The following RALYL variants were observed in gnomAD, a reference collection of about 807,000 sequenced individuals.
The protein encoded by RALYL is RALY RNA binding protein like.
RALYL carries 29 observed loss-of-function variants against 35.1 expected under a neutral mutation model. The observed-to-expected ratio is 0.83, with a 90% CI of 0.61 to 1.13. The LOEUF is 1.13. Among genes scored for constraint, RALYL ranks in the 50% most tolerant of loss-of-function variants. The pLI is 0.00. For missense variants in RALYL, 359 were observed against 360.4 expected (o/e 1.00, Z 0.03); for synonymous variants, 120 against 127.6 (o/e 0.94, Z 0.40).
chr8:84,436,133 T>A (rs548288181), intron 1 of RALYL, among the ~76,000 whole-genome samples: 1 of 152,232 alleles, frequency 6.6e-6, no homozygotes, highest in South Asian at 2.1e-4. Context: ...TTCCAGTAAG[T>A]CTGAAGTAGT....
intron 2 of RALYL, among the ~76,000 whole-genome samples, chr8:84,732,758 G>A (rs757055263): frequency 1.1e-4 from 17 of 150,260 alleles, no homozygotes; most frequent in African/African-American, 2.7e-4. Context: ...GTGCAGTGGC[G>A]CTATCTTGGC....
At chr8:84,586,991 C>T (rs925125183) in intron 2 of RALYL, among the ~76,000 whole-genome samples, 9 of 152,128 alleles carry the variant, frequency 5.9e-5, no homozygotes, top group East Asian at 3.9e-4. Context: ...TGCTACTGAA[C>T]GTATCATTAA....
intron 1 of RALYL, among the ~76,000 whole-genome samples, chr8:84,428,824 A>T (rs2046832222): frequency 6.6e-6 from 1 of 152,196 alleles, no homozygotes; most frequent in Non-Finnish European, 1.5e-5. Flanking sequence ...TTATCTGACC[A>T]ACTTGGCATT....
chr8:84,413,391 T>G (rs1385607548), intron 1 of RALYL, among the ~76,000 whole-genome samples: 1 of 151,854 alleles, frequency 6.6e-6, no homozygotes, highest in Non-Finnish European at 1.5e-5. Context: ...AGTCCAGCTA[T>G]ACATTGTATG....
chr8:84,667,645 T>G (rs1832350337), intron 2 of RALYL, among the ~76,000 whole-genome samples: 1 of 152,146 alleles, frequency 6.6e-6, no homozygotes, highest in Non-Finnish European at 1.5e-5. Context: ...CCATTACATT[T>G]TTTTTCCCTG....
intron 2 of RALYL, among the ~76,000 whole-genome samples, chr8:84,734,296 C>T (rs551617676): frequency 1.3e-5 from 2 of 152,176 alleles, no homozygotes; most frequent in South Asian, 2.1e-4. Context: ...AATATCTTTA[C>T]TCATCTTTTT....
chr8:84,254,947 G>A (rs940905819), intron 1 of RALYL, among the ~76,000 whole-genome samples: 18 of 151,910 alleles, frequency 1.2e-4, no homozygotes, highest in African/African-American at 4.1e-4. Flanking sequence ...ATGACAACAC[G>A]AACAGCATGG....
In RALYL at chr8:84,311,053, CAAAAAAAAAAAAAAAAAAAAA is replaced by C. The variant is rs34029529; in HGVS notation, c.-24+126647_-24+126667del. The stretch of plus-strand genomic sequence containing the variant: ...TGGGCGACAGAGCGAGACTCCGTCT[CAAAAAAAAAAAAAAAAAAAAA>C]AAAAAAAAAAAAAAAAATGTATATT... On this transcript the variant is annotated intron_variant, in intron 1 of 8. Transcript: ENST00000521268. 1.6e-3 allele frequency among the ~76,000 whole-genome samples: 15 copies of C among 9,530 alleles called. No homozygotes were observed. In the South Asian group the frequency reaches 0.032, roughly 20 times the overall value. 6.3% of individuals were successfully genotyped at this position (9,530 alleles called of 152,430 possible). A position where few individuals can be genotyped will look rare whatever the true frequency, so the allele number is the denominator to read the frequency against.
intron 1 of RALYL, among the ~76,000 whole-genome samples, chr8:84,316,952 A>G (rs184838192): frequency 6.6e-6 from 1 of 152,286 alleles, no homozygotes; most frequent in East Asian, 1.9e-4. Context: ...GCACACATTA[A>G]TTAAAATTTA....
intron 1 of RALYL, among the ~76,000 whole-genome samples, chr8:84,260,041 T>G (rs1831963697): frequency 6.6e-6 from 1 of 152,154 alleles, no homozygotes; most frequent in African/African-American, 2.4e-5. Context: ...TTATGGTCTA[T>G]CTGGGTCTGG....
At chr8:84,557,560 CATTT>C (rs2061213240) in intron 2 of RALYL, among the ~76,000 whole-genome samples, 1 of 152,160 alleles carries the variant, frequency 6.6e-6, no homozygotes, top group Non-Finnish European at 1.5e-5. Context: ...AACATTTAAA[CATTT>C]ATTACAATAT....
chr8:84,471,187 A>G (rs1239523948), intron 1 of RALYL, among the ~76,000 whole-genome samples: 1 of 152,224 alleles, frequency 6.6e-6, no homozygotes, highest in Non-Finnish European at 1.5e-5. Context: ...TCTGGTAGAA[A>G]ATATATTGAA....
intron 2 of RALYL, among the ~76,000 whole-genome samples, chr8:84,553,984 T>A (rs983354228): frequency 6.6e-6 from 1 of 152,214 alleles, no homozygotes; most frequent in Non-Finnish European, 1.5e-5. Context: ...AAATGCTTTT[T>A]AAAATGCCTT....
intron 2 of RALYL, among the ~76,000 whole-genome samples, chr8:84,602,159 T>C (rs1456114935): frequency 6.6e-6 from 1 of 152,134 alleles, no homozygotes; most frequent in Non-Finnish European, 1.5e-5. Context: ...CAAGCTGTAT[T>C]TCTAGATCTT....
rs530600810 is a variant in RALYL at position 84,619,641 on chromosome 8, G to T, written c.256+90064G>T. 1.8e-3 allele frequency among the ~76,000 whole-genome samples: 262 copies of T among 149,628 alleles called. 1 individual carries two copies. Among genetic ancestry groups the T allele is most frequent in the Middle Eastern group, 0.01 (3 of 292 alleles). ...GTGAATTTGATCCTGTCATTATGAT[G>T]TTAGCTGGTTATTTTGCTCGTTAGT... On this transcript the variant is annotated intron_variant, in intron 2 of 8. Transcript: ENST00000521268.
In RALYL at chr8:84,311,090, A is replaced by AAAAAAAAAAAAT. The variant is rs1554614840; in HGVS notation, c.-24+126667_-24+126668insAAAAAAAAAATA. The stretch of plus-strand genomic sequence containing the variant: ...AAAAAAAAAAAAAAAAAAAAAAAAA[A>AAAAAAAAAAAAT]ATGTATATTAATGTATAGTATAAAT... On this transcript the variant is annotated intron_variant, in intron 1 of 8. Transcript: ENST00000521268. 1.4e-3 allele frequency among the ~76,000 whole-genome samples: 143 copies of AAAAAAAAAAAAT among 99,758 alleles called. 17 individuals carry two copies. Among genetic ancestry groups the AAAAAAAAAAAAT allele is most frequent in the African/African-American group, 2.4e-3 (66 of 28,002 alleles). 65.4% of individuals were successfully genotyped at this position (99,758 alleles called of 152,430 possible).
At chr8:84,617,921 C>T (rs1180830681) in intron 2 of RALYL, among the ~76,000 whole-genome samples, 1 of 151,796 alleles carries the variant, frequency 6.6e-6, no homozygotes, top group Non-Finnish European at 1.5e-5. Flanking sequence ...ATTGAACCAG[C>T]CTTGCATCCC....
chr8:84,537,776 T>A (rs2059719699), intron 2 of RALYL, among the ~76,000 whole-genome samples: 1 of 152,224 alleles, frequency 6.6e-6, no homozygotes, highest in African/African-American at 2.4e-5. Context: ...GTAGATTTAA[T>A]TAAACTCATT....
chr8:84,849,056 T>C (rs1213975621), intron 4 of RALYL, among the ~76,000 whole-genome samples: 2 of 152,210 alleles, frequency 1.3e-5, no homozygotes. Context: ...CAGGTTATGC[T>C]GTCCAACAGA....
Sources: gnomAD v4.1 joint callset for allele counts (sites outside exome capture counted in the v4.1 genomes callset) on GRCh38, gnomAD v4.1.1 for gene constraint, MANE v1.5 for transcripts, NCBI Gene and HGNC (gene_info 2026-07-23, HGNC 2026-07-21) for gene names.